AHNAK: variants seen among roughly 807,000 people sequenced by gnomAD.
The protein encoded by AHNAK is AHNAK nucleoprotein, also known as neuroblast differentiation-associated protein AHNAK.
AHNAK carries 23 observed loss-of-function variants against 37.8 expected under a neutral mutation model. That is an observed-to-expected ratio of 0.61 (90% CI 0.44 to 0.86). The LOEUF is 0.86. Ranked by LOEUF, AHNAK falls within the 40% of genes least tolerant of loss-of-function variation. The pLI, the probability that AHNAK is intolerant of heterozygous loss-of-function variation, is 0.00. For missense variants in AHNAK, 7,411 were observed against 7,319.4 expected (o/e 1.01, Z -0.46); for synonymous variants, 2,481 against 2,636.3 (o/e 0.94, Z 1.80).
At chr11:62,535,645 T>C (rs1326950544) in intron 3 of AHNAK, among the ~76,000 whole-genome samples, 2 of 139,938 alleles carry the variant, frequency 1.4e-5, no homozygotes, top group African/African-American at 5.5e-5. Context: ...CAAAACTCCA[T>C]CTAAAAAAAA....
chr11:62,480,663 A>AAAAAGAAAAG (rs879723385), intron 5 of AHNAK, among the ~76,000 whole-genome samples: 1 of 151,692 alleles, frequency 6.6e-6, no homozygotes, highest in Non-Finnish European at 1.5e-5. Context: ...TCTATCTCAA[A>AAAAAGAAAAG]AAAAGAAAAG....
intron 5 of AHNAK, among the ~76,000 whole-genome samples, chr11:62,480,997 C>T (rs1237658288): frequency 6.6e-6 from 1 of 152,032 alleles, no homozygotes; most frequent in African/African-American, 2.4e-5. Flanking sequence ...CGATGAAACC[C>T]GAGGCGCTCC....
chr11:62,542,938 C>G (rs751819507), intron 1 of AHNAK, among the ~76,000 whole-genome samples: 59 of 152,302 alleles, frequency 3.9e-4, no homozygotes, highest in Middle Eastern at 3.4e-3. Flanking sequence ...TGCTCTCCCC[C>G]CAGCGGTCGG....
chr11:62,444,530 G>A lies in AHNAK; in HGVS notation c.443-10639C>T, dbSNP rs546882660. ...GGTTGGCTGACAGCGTGCCCCGCCC[G>A]GCAGCTGCTCGCCCTCCAGGATGTC... On this transcript the variant is annotated intron_variant, in intron 5 of 5. Transcript: ENST00000257247. 5.2e-5 allele frequency among the ~76,000 whole-genome samples: 8 copies of A among 152,384 alleles called. No homozygotes were observed. The South Asian group carries it at 1.0e-3, about 20-fold the overall frequency.
Position 62,526,136 on chromosome 11 carries a change from C to A in AHNAK, c.8281G>T (p.Asp2761Tyr). ...DAPDVDVHGP[D>Y]WHLKMPKIKM... ...ATCTTGGGCATCTTTAGGTGCCAGT[C>A]TGGGCCATGAACATCAACATCAGGT... The change falls in exon 5 of 5, where the codon GAC (aspartate) becomes TAC (tyrosine). Residue 2761 changes from aspartate (D) to tyrosine (Y), a missense_variant. Physicochemically the swap from Asp to Tyr is radical, Grantham distance 160 (BLOSUM62 -3). Coordinates refer to ENST00000378024, the MANE Select transcript of AHNAK (RefSeq NM_001620.3). The A allele has an allele frequency of 1.9e-6, 3 of 1,613,570 alleles. No homozygotes were observed. The highest frequency in any genetic ancestry group is 2.5e-6 in the Non-Finnish European group (3 of 1,179,910).
chr11:62,495,256 A>G (rs918762580), intron 4 of AHNAK, among the ~76,000 whole-genome samples: 1 of 152,134 alleles, frequency 6.6e-6, no homozygotes, highest in Non-Finnish European at 1.5e-5. Flanking sequence ...ACACTAAACC[A>G]TCCATTCATG....
chr11:62,480,803 T>TAAAAAA (rs1172126377), intron 5 of AHNAK, among the ~76,000 whole-genome samples: 93 of 44,490 alleles, frequency 2.1e-3, no homozygotes, highest in African/African-American at 4.8e-3. Context: ...TGCGTGCAGT[T>TAAAAAA]AAAAAAAAAA....
chr11:62,543,905 C>T (rs1047468026), intron 1 of AHNAK, among the ~76,000 whole-genome samples: 5 of 152,182 alleles, frequency 3.3e-5, no homozygotes, highest in Admixed American at 2.0e-4. Flanking sequence ...TTTGGGGCCT[C>T]GGGAATGGTG....
At chr11:62,472,151 C>T (rs1235597305) in intron 5 of AHNAK, among the ~76,000 whole-genome samples, 3 of 152,094 alleles carry the variant, frequency 2.0e-5, no homozygotes, top group Admixed American at 1.3e-4. Flanking sequence ...GGCCTCCTTG[C>T]CTTCACTGAC....
chr11:62,521,670 C>G lies in AHNAK; in HGVS notation c.12747G>C (p.Glu4249Asp), dbSNP rs1454595522. The G allele has an allele frequency of 1.2e-6, 2 of 1,613,874 alleles. No individual in the cohort carries two copies. The highest frequency in any genetic ancestry group is 2.7e-5 in the African/African-American group (2 of 74,824). Reference protein sequence around the residue: ...KLKGPKFKMPEMNIKAPKISM... With the variant: ...KLKGPKFKMPDMNIKAPKISM... Reference sequence around the variant, plus strand: ...AGATCTTGGGGGCTTTGATGTTCATCTCAGGCATCTTGAATTTAGGGCCCT... The same window carrying G: ...AGATCTTGGGGGCTTTGATGTTCATGTCAGGCATCTTGAATTTAGGGCCCT... The change falls in exon 5 of 5, where the codon GAG becomes GAC. Residue 4249 changes from glutamate (E) to aspartate (D), a missense_variant. By Grantham distance (45) the Glu-to-Asp change is conservative (BLOSUM62 2). Coordinates refer to ENST00000378024, the MANE Select transcript of AHNAK (RefSeq NM_001620.3).
In AHNAK at chr11:62,517,863, A is replaced by G. The variant is rs1940077919; in HGVS notation, c.16554T>C (p.Ile5518=). The change falls in exon 5 of 5, where the codon ATT becomes ATC. Residue 5518 remains isoleucine (I), a synonymous_variant. Transcript: ENST00000378024. Reference sequence around the variant, plus strand: ...GACCACCTTTGATTTCAGGCCCAGAAATCTGCCCAGTTGGGAGTTTCACAT... The same window carrying G: ...GACCACCTTTGATTTCAGGCCCAGAGATCTGCCCAGTTGGGAGTTTCACAT... The part of the protein sequence containing the change: ...GVNVKLPTGQ[I]SGPEIKGGLK... 1 of 1,614,148 alleles carries G rather than the reference A, an allele frequency of 6.2e-7. No individual in the cohort carries two copies. The highest frequency in any genetic ancestry group is 8.5e-7 in the Non-Finnish European group (1 of 1,180,016).
In AHNAK at chr11:62,518,559, G is replaced by T; in HGVS notation, c.15858C>A (p.Asp5286Glu). Reference protein sequence around the residue: ...PDVSLKGPGVDLPSVNLSMPK... With the variant: ...PDVSLKGPGVELPSVNLSMPK... ...GCATAGAGAGGTTCACTGAAGGCAA[G>T]TCTACTCCTGGCCCCTTTAGAGAAA... is the stretch of plus-strand genomic sequence containing the variant. The change falls in exon 5 of 5, where the codon GAC becomes GAA. Residue 5286 changes from aspartate to glutamate, a missense_variant. Physicochemically the swap from Asp to Glu is conservative, Grantham distance 45 (BLOSUM62 2). Coordinates refer to ENST00000378024, the MANE Select transcript of AHNAK (RefSeq NM_001620.3). The T allele has an allele frequency of 6.2e-7, 1 of 1,614,134 alleles. No individual in the cohort carries two copies. Among genetic ancestry groups the T allele is most frequent in the Non-Finnish European group, 8.5e-7 (1 of 1,180,024 alleles).
intron 5 of AHNAK, among the ~76,000 whole-genome samples, chr11:62,480,171 C>T (rs951761613): frequency 6.6e-6 from 1 of 152,334 alleles, no homozygotes; most frequent in Admixed American, 6.5e-5. Context: ...GGCCAGCTGT[C>T]CTGGACAGTG....
At chr11:62,464,767 G>A (rs766905754) in intron 5 of AHNAK, among the ~76,000 whole-genome samples, 1 of 152,132 alleles carries the variant, frequency 6.6e-6, no homozygotes, top group Non-Finnish European at 1.5e-5. Flanking sequence ...GGAGGTCGAG[G>A]CTACAGTGAG....
In AHNAK at chr11:62,469,101, G is replaced by A. The variant is rs550747787; in HGVS notation, c.442+22631C>T. On this transcript the variant is annotated intron_variant, in intron 5 of 5. Coordinates refer to the AHNAK transcript ENST00000257247. Reference sequence around the variant, plus strand: ...TAGCTTGGTGTGAGCCACTTAGCCCGGCCCAATTGGGATCTCCTGATTTCC... The same window carrying A: ...TAGCTTGGTGTGAGCCACTTAGCCCAGCCCAATTGGGATCTCCTGATTTCC... Among the ~76,000 whole-genome samples, 309 of 152,136 alleles carry A rather than the reference G, an allele frequency of 2.0e-3. 4 individuals are homozygous for A. Among genetic ancestry groups the A allele is most frequent in the Middle Eastern group, 3.4e-3 (1 of 294 alleles).
rs1409332973 is a variant in AHNAK at position 62,530,108 on chromosome 11, G to A, written c.4309C>T (p.Pro1437Ser). The A allele has an allele frequency of 6.2e-7, 1 of 1,613,876 alleles. No homozygotes were observed. Among genetic ancestry groups the A allele is most frequent in the Non-Finnish European group, 8.5e-7 (1 of 1,179,994 alleles). The stretch of plus-strand genomic sequence containing the variant: ...CTCATTTCTGGCATCTTGAATTTGG[G>A]ACCTTTTAGTTTTGCGTCTGGACCT... Reference protein sequence around the residue: ...IEGPDAKLKGPKFKMPEMSIK... With the variant: ...IEGPDAKLKGSKFKMPEMSIK... The change falls in exon 5 of 5, where the codon CCC (proline) becomes TCC (serine). Residue 1437 changes from proline to serine, a missense_variant. By Grantham distance (74) the Pro-to-Ser change is moderately conservative (BLOSUM62 -1). Coordinates refer to ENST00000378024, the MANE Select transcript of AHNAK (RefSeq NM_001620.3).
downstream of AHNAK, among the ~76,000 whole-genome samples, chr11:62,514,823 AC>A (rs1324069887): frequency 2.0e-5 from 3 of 151,988 alleles, no homozygotes; most frequent in Non-Finnish European, 4.4e-5. Context: ...GAGCTCCAAA[AC>A]CCCCAGAACA....
chr11:62,495,625 G>A (rs1358569474), intron 4 of AHNAK, among the ~76,000 whole-genome samples: 2 of 151,372 alleles, frequency 1.3e-5, no homozygotes, highest in African/African-American at 4.9e-5. Flanking sequence ...TGTAGTCCCA[G>A]CTACTTGGGA....
At position 62,528,924 on chromosome 11, in the gene AHNAK, C is replaced by G. The variant is rs753586684; in HGVS notation, c.5493G>C (p.Leu1831=). 6.8e-6 allele frequency: 11 copies of G among 1,613,888 alleles called. No individual in the cohort carries two copies. Among genetic ancestry groups the G allele is most frequent in the South Asian group, 5.5e-5 (5 of 91,066 alleles). Residue 1831 remains leucine (L), a synonymous_variant, in exon 5 of 5, where the codon CTG becomes CTC. Transcript: ENST00000378024. ...FVEAEVPDVD[L]ECPDAKLKGP... is the part of the protein sequence containing the mutation. ...CTTTCAACTTTGCATCAGGACACTC[C>G]AGATCAACATCGGGCACCTCCGCTT...
Sources: allele counts gnomAD v4.1 joint callset (sites outside exome capture counted in the v4.1 genomes callset), GRCh38; gene constraint gnomAD v4.1.1; transcripts MANE v1.5; gene names NCBI Gene and HGNC (gene_info 2026-07-23, HGNC 2026-07-21).